Variants in POLL observed in about 807,000 individuals in gnomAD.
POLL encodes DNA polymerase beta-2.
A neutral mutation model predicts 58.1 loss-of-function variants in POLL; 44 were observed. That is an observed-to-expected ratio of 0.76 (90% confidence interval 0.60 to 0.97). The LOEUF (loss-of-function observed/expected upper bound fraction) is 0.97, where lower values mean the gene tolerates loss of function less well. Among genes scored for constraint, POLL ranks in the 50% least tolerant of loss-of-function variants. The pLI, the probability that POLL is intolerant of heterozygous loss-of-function variation, is 0.00. For missense variants in POLL, 632 were observed against 736.8 expected, an observed-to-expected ratio of 0.86 and a Z score of 1.65; for synonymous variants, 290 against 283.2, an observed-to-expected ratio of 1.02 and a Z score of -0.24.
chr10:101,587,519 G>A (rs2063448070), intron 1 of POLL, 113 bp from the exon 2 acceptor site: 2 of 1,451,482 alleles, frequency 1.4e-6, no homozygotes, highest in African/African-American at 1.4e-5. Flanking sequence ...CGGGTCGGGG[G>A]AGGGGGTCTC....
chr10:101,580,439 G>A lies in POLL; in HGVS notation c.1195-23C>T, dbSNP rs751740785. 30 of 1,609,038 alleles carry A rather than the reference G, an allele frequency of 1.9e-5. No individual in the cohort carries two copies. The South Asian group carries it at 2.3e-4, about 12-fold the overall frequency. Reference sequence around the variant, plus strand: ...GACCTGGGAAAGAGAGCGGTGACAGGTGAGGGGCTGTGCGTGGGGAGCTCC... The same window carrying A: ...GACCTGGGAAAGAGAGCGGTGACAGATGAGGGGCTGTGCGTGGGGAGCTCC... On this transcript the variant is annotated intron_variant, in intron 7 of 8. Transcript: ENST00000370162. The surrounding 1 kb of genome is among the most constrained non-coding windows in gnomAD (Gnocchi z 4.1).
Position 101,579,348 on chromosome 10 carries a change from T to C in POLL, c.*105A>G, listed in dbSNP as rs1472082931. 7.5e-7 allele frequency: 1 copy of C among 1,332,684 alleles called. No individual in the cohort carries two copies. The highest frequency in any genetic ancestry group is 1.0e-6 in the Non-Finnish European group (1 of 982,070). 82.6% of individuals were successfully genotyped at this position (1,332,684 alleles called of 1,614,324 possible). ...GGGCCCTGCTCGCTGAGGAAGCTGG[T>C]GGTTGGAGCGGCGAGGTTCAGCCAG... On this transcript the variant is annotated 3_prime_UTR_variant, in exon 9 of 9. Coordinates refer to ENST00000370162, the MANE Select transcript of POLL (RefSeq NM_001174084.2). The surrounding 1 kb of genome is among the most constrained non-coding windows in gnomAD (Gnocchi z 4.4).
Position 101,580,663 on chromosome 10 carries a change from G to C in POLL, c.1195-247C>G. On this transcript the variant is annotated intron_variant, in intron 7 of 8. Coordinates refer to ENST00000370162, the MANE Select transcript of POLL (RefSeq NM_001174084.2). The surrounding 1 kb of genome is among the most constrained non-coding windows in gnomAD (Gnocchi z 4.1). Reference sequence around the variant, plus strand: ...AGAGACGGGAGAAGGTGCCGGCTCTGCTTCTGAGAGTGGGCACTGAGCTTG... The same window carrying C: ...AGAGACGGGAGAAGGTGCCGGCTCTCCTTCTGAGAGTGGGCACTGAGCTTG... 2.2e-6 allele frequency: 1 copy of C among 451,744 alleles called. No individual in the cohort carries two copies. The allele number at this position is 451,744 out of a possible 1,614,324, so 28.0% of individuals were successfully genotyped here. A position where few individuals can be genotyped will look rare whatever the true frequency, so the allele number is the denominator to read the frequency against.
intron 6 of POLL, chr10:101,583,194 A>T: frequency 1.7e-6 from 1 of 599,176 alleles, no homozygotes; most frequent in East Asian, 2.8e-5. Flanking sequence ...CAGAGCCAGG[A>T]TTGGGAACCA....
intron 6 of POLL, 191 bp from the exon 7 acceptor site, chr10:101,583,082 T>C: frequency 6.0e-6 from 4 of 668,980 alleles, no homozygotes; most frequent in South Asian, 5.0e-5. Context: ...CATGCCATCA[T>C]CCAGCCCTGC....
intron 7 of POLL, 74 bp downstream of exon 7, chr10:101,582,689 G>A: frequency 6.7e-7 from 1 of 1,496,046 alleles, no homozygotes; most frequent in Non-Finnish European, 9.3e-7. Context: ...CTGAGGAGTT[G>A]GGGGTTCTTG....
chr10:101,585,894 A>C lies in POLL; in HGVS notation c.378T>G (p.Asp126Glu). 1 of 1,598,578 alleles carries C rather than the reference A, an allele frequency of 6.3e-7. No individual in the cohort carries two copies. Among genetic ancestry groups the C allele is most frequent in the African/African-American group, 1.3e-5 (1 of 74,818 alleles). The part of the protein sequence containing the change: ...SLCLQERRLV[D>E]VAGFSIFIPS... ...GGATGAAGATGCTGAATCCAGCTAC[A>C]TCCACCAGCCTCCTCTCCTGAAGGC... The change falls in exon 3 of 9, where the codon GAT becomes GAG. Residue 126 changes from aspartate (D) to glutamate (E), a missense_variant. Physicochemically the swap from Asp to Glu is conservative, Grantham distance 45. Coordinates refer to ENST00000370162, the MANE Select transcript of POLL (RefSeq NM_001174084.2).
At chr10:101,587,673 G>A (rs2063462263) in intron 1 of POLL, 149 bp downstream of exon 1, 3 of 971,670 alleles carry the variant, frequency 3.1e-6, no homozygotes, top group Non-Finnish European at 4.1e-6. Flanking sequence ...TTCCTCAGAG[G>A]GGTTGCGCTA....
chr10:101,579,236 C>A lies in POLL; in HGVS notation c.*217G>T. ...GTGAGGTAGAAGGGGTGGCAGCCTG[C>A]TCCTGTCTGGGAGAGGGCTGGGCAG... On this transcript the variant is annotated 3_prime_UTR_variant, in exon 9 of 9. Coordinates refer to ENST00000370162, the MANE Select transcript of POLL (RefSeq NM_001174084.2). The surrounding 1 kb of genome is among the most constrained non-coding windows in gnomAD (Gnocchi z 4.4). 1 of 586,498 alleles carries A rather than the reference C, an allele frequency of 1.7e-6. No individual in the cohort carries two copies. Among genetic ancestry groups the A allele is most frequent in the Non-Finnish European group, 3.0e-6 (1 of 336,228 alleles). The allele number at this position is 586,498 out of a possible 1,614,324, so 36.3% of individuals were successfully genotyped here. A position where few individuals can be genotyped will look rare whatever the true frequency, so the allele number is the denominator to read the frequency against.
At position 101,579,721 on chromosome 10, in the gene POLL, C is replaced by T. The variant is rs775811697; in HGVS notation, c.1460G>A (p.Arg487Gln). Residue 487 changes from arginine to glutamine, a missense_variant, in exon 9 of 9, where the codon CGG becomes CAG. Arg to Gln is a conservative substitution (Grantham distance 43). Coordinates refer to ENST00000370162, the MANE Select transcript of POLL (RefSeq NM_001174084.2). This position sits in a 1 kb window ranked among gnomAD's most constrained non-coding sequence, Gnocchi z 4.4. ...GGGCACCACGATGATGTCCAGGCGCCGGTGCCGCCGCCCTGGCCCTGGGAG... is the reference window on the plus strand; with the variant it reads ...GGGCACCACGATGATGTCCAGGCGCTGGTGCCGCCGCCCTGGCCCTGGGAG... Reference protein sequence around the residue: ...CRLPGPGRRHRRLDIIVVPYS... With the variant: ...CRLPGPGRRHQRLDIIVVPYS... The T allele has an allele frequency of 1.4e-5, 23 of 1,613,588 alleles. No individual in the cohort carries two copies. Among genetic ancestry groups the T allele is most frequent in the Non-Finnish European group, 1.8e-5 (21 of 1,179,990 alleles).
chr10:101,584,091 T>C (rs1207317568), intron 5 of POLL, among the ~76,000 whole-genome samples: 1 of 152,206 alleles, frequency 6.6e-6, no homozygotes, highest in Non-Finnish European at 1.5e-5. Flanking sequence ...TTTGAGAGTT[T>C]AAGTAACTTG....
rs1330022035 is a variant in POLL, at chr10:101,588,227, G to A, written c.-452C>T. On this transcript the variant is annotated 5_prime_UTR_variant, in exon 1 of 9. Coordinates refer to ENST00000370162, the MANE Select transcript of POLL (RefSeq NM_001174084.2). The stretch of plus-strand genomic sequence containing the variant: ...ACCAGCAGAGCCAATGAGAGCGGAC[G>A]AAGGGGGGAAGGAGGGCAAATGGCC... 9.0e-6 allele frequency: 14 copies of A among 1,548,376 alleles called. No individual in the cohort carries two copies. The highest frequency in any genetic ancestry group is 1.2e-5 in the Non-Finnish European group (14 of 1,146,580).
intron 6 of POLL, 111 bp from the exon 7 acceptor site, chr10:101,583,002 G>C (rs1238769944): frequency 7.3e-7 from 1 of 1,365,204 alleles, no homozygotes; most frequent in Admixed American, 1.8e-5. Flanking sequence ...GAAGGCTAGA[G>C]GCAGGACCAA....
chr10:101,583,839 G>C (rs539163505), intron 5 of POLL, among the ~76,000 whole-genome samples, 158 bp from the exon 6 acceptor site: 2 of 152,292 alleles, frequency 1.3e-5, no homozygotes, highest in South Asian at 4.1e-4. Flanking sequence ...TGTAGTTGAA[G>C]ATGAGAATTT....
chr10:101,584,494 G>A, intron 5 of POLL, 108 bp downstream of exon 5: 4 of 659,584 alleles, frequency 6.1e-6, no homozygotes, highest in Non-Finnish European at 9.2e-6. Flanking sequence ...TTTTTCTTTT[G>A]TGCAAGTCCT....
intron 1 of POLL, 63 bp downstream of exon 1, chr10:101,587,759 T>G (rs1303261745): frequency 3.4e-6 from 4 of 1,189,782 alleles, no homozygotes; most frequent in Non-Finnish European, 4.2e-6. Context: ...GAAATGGAGC[T>G]TTAGGGGATG....
In POLL at chr10:101,579,234, T is replaced by C; in HGVS notation, c.*219A>G. On this transcript the variant is annotated 3_prime_UTR_variant, in exon 9 of 9. Coordinates refer to ENST00000370162, the MANE Select transcript of POLL (RefSeq NM_001174084.2). The surrounding 1 kb of genome is among the most constrained non-coding windows in gnomAD (Gnocchi z 4.4). ...TGGTGAGGTAGAAGGGGTGGCAGCC[T>C]GCTCCTGTCTGGGAGAGGGCTGGGC... is the stretch of plus-strand genomic sequence containing the variant. The C allele has an allele frequency of 3.4e-6, 2 of 582,618 alleles. No individual in the cohort carries two copies. The allele number at this position is 582,618 out of a possible 1,614,324, so 36.1% of individuals were successfully genotyped here. A position where few individuals can be genotyped will look rare whatever the true frequency, so the allele number is the denominator to read the frequency against.
intron 4 of POLL, 72 bp downstream of exon 4, chr10:101,585,244 C>T (rs1166682977): frequency 7.4e-7 from 1 of 1,357,258 alleles, no homozygotes; most frequent in African/African-American, 1.5e-5. Context: ...TCTGAACAGC[C>T]ACCAGGCCCA....
Position 101,584,591 on chromosome 10 carries a change from C to A in POLL, c.891+11G>T. 1 of 1,534,090 alleles carries A rather than the reference C, an allele frequency of 6.5e-7. No homozygotes were observed. The highest frequency in any genetic ancestry group is 1.3e-5 in the South Asian group (1 of 78,096). On this transcript the variant is annotated intron_variant, in intron 5 of 8. Transcript: ENST00000370162. ...GTAAAGACCCCTCCTCCCACTCTAGCCCCTGGGTACCTGGTACGAGGTGAC... is the reference window on the plus strand; with the variant it reads ...GTAAAGACCCCTCCTCCCACTCTAGACCCTGGGTACCTGGTACGAGGTGAC...
Sources: gnomAD v4.1 joint callset for allele counts (sites outside exome capture counted in the v4.1 genomes callset) on GRCh38, gnomAD v4.1.1 for gene constraint, Gnocchi (gnomAD v3.1) non-coding constraint, MANE v1.5 for transcripts, NCBI Gene and HGNC (gene_info 2026-07-23, HGNC 2026-07-21) for gene names.